IGF2BP3: variants seen among roughly 807,000 people sequenced by gnomAD.
The protein encoded by IGF2BP3 is insulin like growth factor 2 mRNA binding protein 3, also known as insulin-like growth factor 2 mRNA-binding protein 3.
A neutral mutation model predicts 73.8 loss-of-function variants in IGF2BP3; 9 were observed. The observed-to-expected ratio is 0.12, with a 90% CI of 0.07 to 0.21. The LOEUF (loss-of-function observed/expected upper bound fraction) is 0.21. Among genes scored for constraint, IGF2BP3 ranks in the 10% least tolerant of loss-of-function variants. The probability of loss-of-function intolerance (pLI) is 1.00; values close to 1 mark genes in which losing one functional copy is unlikely to be tolerated. For missense variants in IGF2BP3, 542 were observed against 714.0 expected (o/e 0.76, Z 2.75); for synonymous variants, 258 against 256.7 (o/e 1.01, Z -0.05).
At chr7:23,373,515 T>C (rs187986) in intron 3 of IGF2BP3, among the ~76,000 whole-genome samples, 144,845 of 152,278 alleles carry the variant, frequency 0.95, 68,928 homozygotes, top group East Asian at 1. Flanking sequence ...GAAAATATGA[T>C]TCAAGGGGCA....
At chr7:23,461,869 C>T (rs1408010908) in intron 2 of IGF2BP3, among the ~76,000 whole-genome samples, 1 of 152,128 alleles carries the variant, frequency 6.6e-6, no homozygotes, top group Non-Finnish European at 1.5e-5. Flanking sequence ...TCCATATCTC[C>T]CCTGAATCTG....
intron 2 of IGF2BP3, among the ~76,000 whole-genome samples, chr7:23,423,982 G>A (rs998977190): frequency 9.2e-5 from 14 of 152,084 alleles, no homozygotes; most frequent in Non-Finnish European, 1.8e-4. Context: ...GCTGGGCATG[G>A]TGGTATGCGC....
At chr7:23,400,004 C>T (rs1786608371) in intron 3 of IGF2BP3, among the ~76,000 whole-genome samples, 1 of 152,106 alleles carries the variant, frequency 6.6e-6, no homozygotes, top group South Asian at 2.1e-4. Flanking sequence ...ACTTCAATGC[C>T]ACACCAGGTC....
intron 10 of IGF2BP3, among the ~76,000 whole-genome samples, chr7:23,331,956 A>C (rs1583895760): frequency 6.6e-6 from 1 of 152,132 alleles, no homozygotes. Context: ...CAAATGGGTA[A>C]CAAGGTACGT....
intron 3 of IGF2BP3, among the ~76,000 whole-genome samples, chr7:23,411,984 CTTTTTT>C (rs767524257): frequency 1.8e-4 from 19 of 104,832 alleles, no homozygotes; most frequent in South Asian, 5.8e-4. Flanking sequence ...ACTTATTTCT[CTTTTTT>C]TTTTTTTTTT....
At chr7:23,385,882 C>T (rs759550025) in intron 3 of IGF2BP3, among the ~76,000 whole-genome samples, 35 of 152,154 alleles carry the variant, frequency 2.3e-4, no homozygotes, top group Middle Eastern at 3.4e-3. Context: ...TATTTGGATC[C>T]TAATACAATT....
chr7:23,354,447 A>G (rs78507322), intron 5 of IGF2BP3, among the ~76,000 whole-genome samples: 272 of 152,298 alleles, frequency 1.8e-3, no homozygotes, highest in African/African-American at 6.4e-3. Flanking sequence ...TTCAGAAGAG[A>G]GTAAGTATAT....
chr7:23,458,775 TC>T (rs1352988251), intron 2 of IGF2BP3, among the ~76,000 whole-genome samples: 1 of 152,252 alleles, frequency 6.6e-6, no homozygotes, highest in Non-Finnish European at 1.5e-5. Flanking sequence ...TGTATACTAG[TC>T]TTTTTCCTAA....
chr7:23,449,548 CTTTTT>C (rs1486097461), intron 2 of IGF2BP3, among the ~76,000 whole-genome samples: 87 of 116,362 alleles, frequency 7.5e-4, no homozygotes, highest in African/African-American at 2.7e-3. Flanking sequence ...TTTCCTTTTT[CTTTTT>C]CTTTTTTTTT....
chr7:23,398,769 T>C (rs1222079261), intron 3 of IGF2BP3, among the ~76,000 whole-genome samples: 1 of 152,244 alleles, frequency 6.6e-6, no homozygotes, highest in Non-Finnish European at 1.5e-5. Flanking sequence ...TGTATTTTTC[T>C]TGTAAATTTG....
chr7:23,457,403 T>G (rs1788347253), intron 2 of IGF2BP3, among the ~76,000 whole-genome samples: 1 of 152,028 alleles, frequency 6.6e-6, no homozygotes, highest in Non-Finnish European at 1.5e-5. Context: ...AGGTGGAGGT[T>G]TCAGTGAGCA....
chr7:23,382,930 AG>A (rs1785958575), intron 3 of IGF2BP3, among the ~76,000 whole-genome samples: 1 of 144,276 alleles, frequency 6.9e-6, no homozygotes. Context: ...TCAATCAGCT[AG>A]GTGCAGTGGC....
intron 3 of IGF2BP3, among the ~76,000 whole-genome samples, chr7:23,411,069 C>A (rs186475562): frequency 6.6e-6 from 1 of 152,192 alleles, no homozygotes; most frequent in Non-Finnish European, 1.5e-5. Flanking sequence ...AGGCACCTAC[C>A]GAGAACATGC....
At chr7:23,377,320 GA>G (rs922962588) in intron 3 of IGF2BP3, among the ~76,000 whole-genome samples, 1 of 152,146 alleles carries the variant, frequency 6.6e-6, no homozygotes, top group African/African-American at 2.4e-5. Context: ...CAGAGGAAGT[GA>G]ATAGACATTT....
chr7:23,355,225 A>ATT (rs572013397), intron 5 of IGF2BP3, among the ~76,000 whole-genome samples: 3 of 119,386 alleles, frequency 2.5e-5, no homozygotes, highest in Non-Finnish European at 4.8e-5. Flanking sequence ...TTTTATTTTT[A>ATT]TTTTTTTTTT....
chr7:23,432,444 A>G (rs1787707331), intron 2 of IGF2BP3, among the ~76,000 whole-genome samples: 2 of 152,134 alleles, frequency 1.3e-5, no homozygotes, highest in Admixed American at 6.6e-5. Context: ...ACACATCATC[A>G]CACTGGGCCT....
chr7:23,427,623 G>A (rs995118870), intron 2 of IGF2BP3, among the ~76,000 whole-genome samples: 2 of 152,206 alleles, frequency 1.3e-5, no homozygotes, highest in Admixed American at 1.3e-4. Context: ...TGTAATCCCA[G>A]CACTTTGGAA....
intron 3 of IGF2BP3, among the ~76,000 whole-genome samples, chr7:23,387,646 C>T (rs959927970): frequency 6.6e-6 from 1 of 152,148 alleles, no homozygotes; most frequent in Non-Finnish European, 1.5e-5. Flanking sequence ...TTTAAATTAT[C>T]TGATTTAAAT....
Position 23,410,793 on chromosome 7 carries a change from G to A in IGF2BP3, c.285+7983C>T, listed in dbSNP as rs190858212. 2.5e-3 allele frequency among the ~76,000 whole-genome samples: 388 copies of A among 152,246 alleles called. 6 individuals are homozygous for A. The highest frequency in any genetic ancestry group is 0.014 in the Admixed American group (214 of 15,286). On this transcript the variant is annotated intron_variant, in intron 3 of 14. Coordinates refer to ENST00000258729, the MANE Select transcript of IGF2BP3 (RefSeq NM_006547.3). ...TGTTGAAACCAAATCATAATAACTA[G>A]AAGAAACAGGAACAACCCTTTGGGA...
Sources: allele counts gnomAD v4.1 joint callset (sites outside exome capture counted in the v4.1 genomes callset), GRCh38; gene constraint gnomAD v4.1.1; transcripts MANE v1.5; gene names NCBI Gene and HGNC (gene_info 2026-07-23, HGNC 2026-07-21).